EIF6: variants seen among roughly 807,000 people sequenced by gnomAD.
EIF6 encodes eukaryotic translation initiation factor 6, also known as B4 integrin interactor.
EIF6 carries 10 observed loss-of-function variants against 25.5 expected under a neutral mutation model. That is an observed-to-expected ratio of 0.39 (90% confidence interval 0.24 to 0.66). EIF6 has a LOEUF of 0.66. Ranked by LOEUF, EIF6 falls within the 30% of genes least tolerant of loss-of-function variation. The probability of loss-of-function intolerance (pLI) is 0.45; values close to 1 mark genes in which losing one functional copy is unlikely to be tolerated. For missense variants in EIF6, 246 were observed against 315.4 expected (o/e 0.78, Z 1.67); for synonymous variants, 122 against 122.6 (o/e 1.00, Z 0.03).
Position 35,284,267 on chromosome 20 carries a change from G to GA in EIF6, c.108-7_108-6insT, listed in dbSNP as rs773010546. ...AGAGCTCGCCCTCGAACACACTGTA[G>GA]GGACATGGACTCGGTGGTGGCGGGG... On this transcript the variant is annotated splice_region_variant and splice_polypyrimidine_tract_variant and intron_variant, in intron 2 of 6. Coordinates refer to ENST00000374450, the MANE Select transcript of EIF6 (RefSeq NM_002212.4). 1 of 1,613,724 alleles carries GA rather than the reference G, an allele frequency of 6.2e-7. No individual in the cohort carries two copies. Among genetic ancestry groups the GA allele is most frequent in the East Asian group, 2.2e-5 (1 of 44,866 alleles).
At chr20:35,281,310 C>T (rs921666814) in intron 3 of EIF6, among the ~76,000 whole-genome samples, 2 of 150,688 alleles carry the variant, frequency 1.3e-5, no homozygotes, top group African/African-American at 2.4e-5. Context: ...GGCGTGAACC[C>T]GGGAGGCGGA....
Position 35,284,279 on chromosome 20 carries a change from C to A in EIF6, c.108-18G>T. The stretch of plus-strand genomic sequence containing the variant: ...CGAACACACTGTAGGGACATGGACT[C>A]GGTGGTGGCGGGGCAGAGGGGCCGG... On this transcript the variant is annotated intron_variant, in intron 2 of 6. Coordinates refer to ENST00000374450, the MANE Select transcript of EIF6 (RefSeq NM_002212.4). 6.2e-7 allele frequency: 1 copy of A among 1,613,876 alleles called. No individual in the cohort carries two copies.
At chr20:35,282,408 T>C (rs528263720) in intron 3 of EIF6, among the ~76,000 whole-genome samples, 3 of 152,284 alleles carry the variant, frequency 2.0e-5, no homozygotes, top group Admixed American at 2.0e-4. Flanking sequence ...GAATGAACAA[T>C]CTACAAATAC....
intron 3 of EIF6, among the ~76,000 whole-genome samples, chr20:35,283,309 T>C (rs1362624916): frequency 2.0e-5 from 3 of 150,104 alleles, no homozygotes; most frequent in Admixed American, 2.0e-4. Context: ...ATAATAATAA[T>C]AAAAAGGAAA....
Position 35,279,702 on chromosome 20 carries a change from C to G in EIF6, c.592G>C (p.Val198Leu), listed in dbSNP as rs375340263. ...RGSEVIAAGM[V>L]VNDWCAFCGL... Reference sequence around the variant, plus strand: ...CAGAAGGCACACCAGTCATTCACCACCATCCCAGCAGCAATCACCTCACTG... The same window carrying G: ...CAGAAGGCACACCAGTCATTCACCAGCATCCCAGCAGCAATCACCTCACTG... The change falls in exon 6 of 7, where the codon GTG (valine) becomes CTG (leucine). Residue 198 changes from valine to leucine, a missense_variant. By Grantham distance (32) the Val-to-Leu change is conservative. Coordinates refer to ENST00000374450, the MANE Select transcript of EIF6 (RefSeq NM_002212.4). 27 of 1,614,092 alleles carry G rather than the reference C, an allele frequency of 1.7e-5. No homozygotes were observed. Among genetic ancestry groups the G allele is most frequent in the Non-Finnish European group, 2.3e-5 (27 of 1,180,050 alleles).
intron 5 of EIF6, 84 bp downstream of exon 5, chr20:35,279,856 CTG>C: frequency 6.3e-7 from 1 of 1,587,922 alleles, no homozygotes; most frequent in Non-Finnish European, 8.6e-7. Context: ...CAGTCCCAAA[CTG>C]TGGCAGGTAA....
intron 5 of EIF6, 57 bp downstream of exon 5, chr20:35,279,885 A>G: frequency 6.3e-7 from 1 of 1,594,846 alleles, no homozygotes; most frequent in Non-Finnish European, 8.6e-7. Flanking sequence ...AGACTCCCAA[A>G]CACTAGGCAA....
At chr20:35,281,800 G>A (rs1464130246) in intron 3 of EIF6, among the ~76,000 whole-genome samples, 1 of 152,046 alleles carries the variant, frequency 6.6e-6, no homozygotes, top group African/African-American at 2.4e-5. Flanking sequence ...AAAGATATAT[G>A]GAGCAACTGA....
chr20:35,279,343 A>G, intron 6 of EIF6, 137 bp from the exon 7 acceptor site: 1 of 1,330,330 alleles, frequency 7.5e-7, no homozygotes, highest in Non-Finnish European at 1.1e-6. Context: ...CTAGTATCCT[A>G]GCCCTGAAAA....
In EIF6 at chr20:35,279,303, C is replaced by T; in HGVS notation, c.729-97G>A. 3 of 1,511,694 alleles carry T rather than the reference C, an allele frequency of 2.0e-6. No homozygotes were observed. The Middle Eastern group carries it at 5.1e-4, about 257-fold the overall frequency. The allele number at this position is 1,511,694 out of a possible 1,614,324, so 93.6% of individuals were successfully genotyped here. On this transcript the variant is annotated intron_variant, in intron 6 of 6. Transcript: ENST00000374450. ...GCCTCAGCCCTCATCCCGGGACCAG[C>T]TCTGACAAGCTGCTCAAGCAGCTAC...
At chr20:35,279,455 C>T in intron 6 of EIF6, 111 bp downstream of exon 6, 1 of 1,451,090 alleles carries the variant, frequency 6.9e-7, no homozygotes, top group Middle Eastern at 1.8e-4. Context: ...ACTCGAGAAG[C>T]TACCAGAACA....
rs2060766828 is a variant in EIF6 at position 35,280,745 on chromosome 20, T to C, written c.278A>G (p.Gln93Arg). 1 of 1,614,120 alleles carries C rather than the reference T, an allele frequency of 6.2e-7. No individual in the cohort carries two copies. Among genetic ancestry groups the C allele is most frequent in the African/African-American group, 1.3e-5 (1 of 75,052 alleles). ...HIRNSLPDTV[Q>R]IRRVEERLSA... ...GAGCCGCTCCTCCACCCGCCTAATC[T>C]GCACTGTGTCTGGGAGGCTGTTGCG... is the stretch of plus-strand genomic sequence containing the variant. Residue 93 changes from glutamine to arginine, a missense_variant, in exon 4 of 7, where the codon CAG becomes CGG. By Grantham distance (43) the Gln-to-Arg change is conservative. Transcript: ENST00000374450.
chr20:35,280,703 A>G lies in EIF6; in HGVS notation c.320T>C (p.Val107Ala), dbSNP rs2060766418. 1 of 1,613,714 alleles carries G rather than the reference A, an allele frequency of 6.2e-7. No homozygotes were observed. The highest frequency in any genetic ancestry group is 1.3e-5 in the African/African-American group (1 of 74,932). The change falls in exon 4 of 7, where the codon GTC (valine) becomes GCC (alanine). Residue 107 changes from valine to alanine, a missense_variant. By Grantham distance (64) the Val-to-Ala change is moderately conservative. Coordinates refer to ENST00000374450, the MANE Select transcript of EIF6 (RefSeq NM_002212.4). ...VEERLSALGN[V>A]TTCNDYVALV... ...GGCCACGTAGTCATTGCAGGTGGTGACATTGCCCAAGGCTGAGAGCCGCTC... is the reference window on the plus strand; with the variant it reads ...GGCCACGTAGTCATTGCAGGTGGTGGCATTGCCCAAGGCTGAGAGCCGCTC...
At chr20:35,279,877 A>T in intron 5 of EIF6, 65 bp downstream of exon 5, 1 of 1,589,650 alleles carries the variant, frequency 6.3e-7, no homozygotes, top group Admixed American at 1.7e-5. Context: ...AATGACCCAG[A>T]CTCCCAAACA....
At chr20:35,283,689 A>C (rs2060796259) in intron 3 of EIF6, among the ~76,000 whole-genome samples, 1 of 151,810 alleles carries the variant, frequency 6.6e-6, no homozygotes, top group African/African-American at 2.4e-5. Flanking sequence ...GGCCCTAGCT[A>C]CCTGGTAGGC....
chr20:35,283,299 AT>A lies in EIF6; in HGVS notation c.193+876del, dbSNP rs2060792683. The stretch of plus-strand genomic sequence containing the variant: ...GAAAACTCCATCTCAAAAAAAAATA[AT>A]AATAATAATAAAAAGGAAAGGACCA... On this transcript the variant is annotated intron_variant, in intron 3 of 6. Coordinates refer to ENST00000374450, the MANE Select transcript of EIF6 (RefSeq NM_002212.4). Among the ~76,000 whole-genome samples, 14 of 152,098 alleles carry A rather than the reference AT, an allele frequency of 9.2e-5. No individual in the cohort carries two copies. The South Asian group carries it at 2.3e-3, about 25-fold the overall frequency.
In EIF6 at chr20:35,281,466, G is replaced by A. The variant is rs191238143; in HGVS notation, c.194-637C>T. ...GAATGGCTAGATTATTATTTTTTAA[G>A]GCAGAGTCTCACTCTGTCACCCAGG... On this transcript the variant is annotated intron_variant, in intron 3 of 6. Transcript: ENST00000374450. Among the ~76,000 whole-genome samples the A allele has an allele frequency of 7.4e-3, 1,124 of 151,624 alleles. 5 individuals carry two copies. The highest frequency in any genetic ancestry group is 0.011 in the Non-Finnish European group (739 of 67,876).
At chr20:35,281,996 T>TC (rs949578119) in intron 3 of EIF6, among the ~76,000 whole-genome samples, 2 of 151,590 alleles carry the variant, frequency 1.3e-5, no homozygotes, top group African/African-American at 4.8e-5. Context: ...ATTACTTTTT[T>TC]TTTTTTTTTT....
At chr20:35,283,800 C>CAA (rs57842071) in intron 3 of EIF6, among the ~76,000 whole-genome samples, 1,889 of 115,048 alleles carry the variant, frequency 0.016, 32 homozygotes, top group African/African-American at 0.043. Context: ...AATCTGGCCT[C>CAA]AAAAAAAAAA....
Sources: allele counts gnomAD v4.1 joint callset (sites outside exome capture counted in the v4.1 genomes callset), GRCh38; gene constraint gnomAD v4.1.1; transcripts MANE v1.5; gene names NCBI Gene and HGNC (gene_info 2026-07-23, HGNC 2026-07-21).